ARB2A: variants seen among roughly 807,000 people sequenced by gnomAD.
The protein encoded by ARB2A is ARB2 cotranscriptional regulator A, also known as cotranscriptional regulator ARB2A.
At chr5:93,650,121 A>G in the ARB2A span, among the ~76,000 whole-genome samples, 1 of 151,840 alleles carries the variant, frequency 6.6e-6, no homozygotes, top group Non-Finnish European at 1.5e-5. Flanking sequence ...CAATAATCCT[A>G]CTGTTCAGAA....
the ARB2A span, among the ~76,000 whole-genome samples, chr5:93,880,247 A>G: frequency 6.6e-6 from 1 of 151,730 alleles, no homozygotes; most frequent in African/African-American, 2.4e-5. Context: ...TCTTGGGAAT[A>G]TATATGCTGT....
At chr5:93,718,000 A>G in the ARB2A span, among the ~76,000 whole-genome samples, 1 of 151,794 alleles carries the variant, frequency 6.6e-6, no homozygotes, top group Non-Finnish European at 1.5e-5. Context: ...ATGCCCGGCT[A>G]AGTTTTGTAT....
chr5:93,950,184 A>G, the ARB2A span, among the ~76,000 whole-genome samples: 2 of 152,172 alleles, frequency 1.3e-5, no homozygotes, highest in East Asian at 1.9e-4. Flanking sequence ...GGGAGTGCAG[A>G]TATCTCTTTG....
the ARB2A span, among the ~76,000 whole-genome samples, chr5:93,981,728 C>T: frequency 1.5e-4 from 23 of 151,702 alleles, no homozygotes; most frequent in Admixed American, 7.2e-4. Context: ...TGAACAGGCC[C>T]GAGGTTAATT....
At chr5:93,858,222 G>C in the ARB2A span, among the ~76,000 whole-genome samples, 2 of 152,190 alleles carry the variant, frequency 1.3e-5, no homozygotes, top group Non-Finnish European at 2.9e-5. Context: ...TCAGAACCCA[G>C]GGTTCTTACT....
At chr5:93,620,507 C>T in the ARB2A span, 7 of 151,640 alleles carry the variant, frequency 4.6e-5, no homozygotes. Context: ...TAATAAGATG[C>T]CCTCAGGGAA....
the ARB2A span, among the ~76,000 whole-genome samples, chr5:94,029,695 C>G: frequency 6.6e-6 from 1 of 152,176 alleles, no homozygotes; most frequent in Non-Finnish European, 1.5e-5. Flanking sequence ...GTATATTCTT[C>G]CCTACACAAT....
the ARB2A span, among the ~76,000 whole-genome samples, chr5:93,898,358 C>A: frequency 6.6e-6 from 1 of 151,862 alleles, no homozygotes; most frequent in Admixed American, 6.6e-5. Flanking sequence ...TTTCCATTAC[C>A]CATAGCACAA....
chr5:93,899,218 G>A, the ARB2A span, among the ~76,000 whole-genome samples: 1 of 152,072 alleles, frequency 6.6e-6, no homozygotes, highest in Non-Finnish European at 1.5e-5. Flanking sequence ...TTTAAAAGGT[G>A]AAATTAGAAA....
the ARB2A span, among the ~76,000 whole-genome samples, chr5:93,802,944 T>C: frequency 2.0e-4 from 31 of 152,082 alleles, no homozygotes; most frequent in Admixed American, 4.6e-4. Flanking sequence ...TAACAGTATT[T>C]CGCTAACATC....
chr5:93,915,241 G>A, the ARB2A span, among the ~76,000 whole-genome samples: 7 of 151,666 alleles, frequency 4.6e-5, no homozygotes, highest in African/African-American at 1.7e-4. Context: ...AAGCAATTGG[G>A]CTCTTCATTG....
chr5:93,897,949 T>C, the ARB2A span, among the ~76,000 whole-genome samples: 2 of 151,910 alleles, frequency 1.3e-5, no homozygotes, highest in African/African-American at 4.8e-5. Context: ...AACCATCTCT[T>C]CCCCATTTCT....
At chr5:93,998,512 T>G in the ARB2A span, among the ~76,000 whole-genome samples, 6 of 152,156 alleles carry the variant, frequency 3.9e-5, no homozygotes, top group East Asian at 1.2e-3. Flanking sequence ...AATTATACTT[T>G]GCATTAAATA....
At chr5:93,760,980 T>G in the ARB2A span, among the ~76,000 whole-genome samples, 2 of 152,096 alleles carry the variant, frequency 1.3e-5, no homozygotes, top group Admixed American at 1.3e-4. Flanking sequence ...CAGAGTGGGA[T>G]AAAATCTTCA....
At chr5:93,756,129 A>G in the ARB2A span, among the ~76,000 whole-genome samples, 9 of 152,136 alleles carry the variant, frequency 5.9e-5, no homozygotes, top group Non-Finnish European at 1.2e-4. Flanking sequence ...GACAACCTGC[A>G]TGACTCTGCA....
chr5:93,833,701 C>T, the ARB2A span, among the ~76,000 whole-genome samples: 1 of 152,160 alleles, frequency 6.6e-6, no homozygotes, highest in Non-Finnish European at 1.5e-5. Flanking sequence ...AGAATTTCTA[C>T]AAAGTACATG....
At chr5:93,780,473 G>A in the ARB2A span, among the ~76,000 whole-genome samples, 1 of 152,086 alleles carries the variant, frequency 6.6e-6, no homozygotes, top group African/African-American at 2.4e-5. Flanking sequence ...GGTTTCACTT[G>A]GAGTAATTGC....
chr5:93,718,719 T>C, the ARB2A span, among the ~76,000 whole-genome samples: 14 of 152,224 alleles, frequency 9.2e-5, no homozygotes, highest in African/African-American at 2.4e-4. Context: ...TCTGTCCATT[T>C]TACTTCTAAG....
chr5:94,018,637 C>G, the ARB2A span, among the ~76,000 whole-genome samples: 7 of 152,166 alleles, frequency 4.6e-5, no homozygotes, highest in African/African-American at 1.7e-4. Context: ...TTTCCTTGAG[C>G]AGCGGTTTGT....
Sources: gnomAD v4.1 joint callset for allele counts (sites outside exome capture counted in the v4.1 genomes callset) on GRCh38, gnomAD v4.1.1 for gene constraint, MANE v1.5 for transcripts, NCBI Gene and HGNC (gene_info 2026-07-23, HGNC 2026-07-21) for gene names.